The following CLIC6 variants were observed in gnomAD, a reference collection of about 807,000 sequenced individuals.
CLIC6 encodes the protein CLIC family member 6, also known as chloride intracellular channel protein 6.
CLIC6 carries 39 observed loss-of-function variants against 49.2 expected under a neutral mutation model. The ratio of observed to expected loss-of-function variants is 0.79; its 90% CI spans 0.61 to 1.04. The LOEUF (loss-of-function observed/expected upper bound fraction) is 1.04, where lower values mean the gene tolerates loss of function less well. Ranked by LOEUF, CLIC6 falls within the 50% of genes least tolerant of loss-of-function variation. The probability of loss-of-function intolerance (pLI) is 0.00; values close to 1 mark genes in which losing one functional copy is unlikely to be tolerated. For missense variants in CLIC6, 988 were observed against 993.1 expected, an observed-to-expected ratio of 0.99 and a Z score of 0.07; for synonymous variants, 446 against 433.4, an observed-to-expected ratio of 1.03 and a Z score of -0.36.
intron 5 of CLIC6, 33 bp downstream of exon 5, chr21:34,709,571 A>G (rs1209978083): frequency 6.3e-7 from 1 of 1,587,388 alleles, no homozygotes; most frequent in East Asian, 2.2e-5. Context: ...TGTGCCGAGT[A>G]CACGAACGGG....
chr21:34,675,691 A>G (rs932482715), intron 1 of CLIC6, among the ~76,000 whole-genome samples: 10 of 151,534 alleles, frequency 6.6e-5, no homozygotes, highest in African/African-American at 2.4e-4. Flanking sequence ...GGGTGGGGAT[A>G]CCCCTGCCAC....
intron 2 of CLIC6, 44 bp downstream of exon 2, chr21:34,707,433 CT>C: frequency 1.4e-6 from 1 of 739,322 alleles, no homozygotes; most frequent in Non-Finnish European, 2.1e-6. Flanking sequence ...GTACCTAGTT[CT>C]CTGCACACAC....
Position 34,708,823 on chromosome 21 carries a change from C to T in CLIC6, c.1717+17C>T, listed in dbSNP as rs1446407616. 6.4e-7 allele frequency: 1 copy of T among 1,564,176 alleles called. No individual in the cohort carries two copies. Among genetic ancestry groups the T allele is most frequent in the African/African-American group, 1.4e-5 (1 of 73,972 alleles). On this transcript the variant is annotated intron_variant, in intron 4 of 5. Coordinates refer to ENST00000349499, the MANE Select transcript of CLIC6 (RefSeq NM_053277.3). ...CAAATGAGAGTGAGTACCTCCCATC[C>T]TCCTGTTTTGTTTCAACACAGACTT...
At position 34,673,365 on chromosome 21, in the gene CLIC6, CTG is replaced by C. The variant is rs1989603724; in HGVS notation, c.1374+2604_1374+2605del. ...AGTGCAGTGGTGCTATCTCAGCTCA[CTG>C]CAACCTCCACAGACTGGGTTCAAGT... On this transcript the variant is annotated intron_variant, in intron 1 of 5. Transcript: ENST00000349499. Among the ~76,000 whole-genome samples the C allele has an allele frequency of 2.6e-5, 4 of 152,272 alleles. No individual in the cohort carries two copies. In the South Asian group the frequency reaches 8.3e-4, roughly 32 times the overall value.
At position 34,670,589 on chromosome 21, in the gene CLIC6, G is replaced by A. The variant is rs1432673845; in HGVS notation, c.1201G>A (p.Glu401Lys). The A allele has an allele frequency of 1.3e-6, 2 of 1,529,392 alleles. No homozygotes were observed. The highest frequency in any genetic ancestry group is 2.1e-5 in the Admixed American group (1 of 47,586). 94.7% of individuals were successfully genotyped at this position (1,529,392 alleles called of 1,614,324 possible). ...EESPDSSPHG[E>K]ASRGAAEPEA... The stretch of plus-strand genomic sequence containing the variant: ...ATCCCCCGACAGCAGCCCACATGGG[G>A]AGGCCTCCAGGGGCGCCGCGGAGCC... The change falls in exon 1 of 6, where the codon GAG (glutamate) becomes AAG (lysine). Residue 401 changes from glutamate (E) to lysine (K), a missense_variant. By Grantham distance (56) the Glu-to-Lys change is moderately conservative. This residue lies in a region of CLIC6 where 647 missense variants were observed against 596.9 expected (regional missense o/e 1.08). Transcript: ENST00000349499.
chr21:34,673,932 C>T (rs1989615918), intron 1 of CLIC6, among the ~76,000 whole-genome samples: 3 of 152,082 alleles, frequency 2.0e-5, no homozygotes, highest in Non-Finnish European at 2.9e-5. Context: ...TGTGAACATG[C>T]CTAGATGCGT....
At chr21:34,681,349 A>C (rs760746564) in intron 1 of CLIC6, among the ~76,000 whole-genome samples, 1 of 152,212 alleles carries the variant, frequency 6.6e-6, no homozygotes, top group Admixed American at 6.5e-5. Context: ...CCCTTTACAC[A>C]TGGTGATTAT....
rs924639697 is a variant in CLIC6 at position 34,670,552 on chromosome 21, G to A, written c.1164G>A (p.Gly388=). ...GGCCAAGGGAGGAGGAAGCAGCGGG[G>A]GGCGAAGAGGAATCCCCCGACAGCA... The part of the protein sequence containing the change: ...PEGPREEEAA[G]GEEESPDSSP... Residue 388 remains glycine, a synonymous_variant, in exon 1 of 6, where the codon GGG becomes GGA. Coordinates refer to ENST00000349499, the MANE Select transcript of CLIC6 (RefSeq NM_053277.3). The A allele has an allele frequency of 3.3e-6, 5 of 1,499,810 alleles. No individual in the cohort carries two copies. The African/African-American group carries it at 4.2e-5, about 13-fold the overall frequency. The allele number at this position is 1,499,810 out of a possible 1,614,324, so 92.9% of individuals were successfully genotyped here.
chr21:34,678,930 T>G (rs966966294), intron 1 of CLIC6, among the ~76,000 whole-genome samples: 1 of 152,238 alleles, frequency 6.6e-6, no homozygotes, highest in Non-Finnish European at 1.5e-5. Flanking sequence ...CCAGAGATAT[T>G]CTATGCAAGT....
rs1422311258 is a variant in CLIC6 at position 34,669,913 on chromosome 21, G to T, written c.525G>T (p.Pro175=). The T allele has an allele frequency of 1.5e-6, 2 of 1,319,910 alleles. No homozygotes were observed. Among genetic ancestry groups the T allele is most frequent in the Admixed American group, 3.6e-5 (1 of 27,936 alleles). 81.8% of individuals were successfully genotyped at this position (1,319,910 alleles called of 1,614,324 possible). A position where few individuals can be genotyped will look rare whatever the true frequency, so the allele number is the denominator to read the frequency against. Residue 175 remains proline, a synonymous_variant, in exon 1 of 6, where the codon CCG becomes CCT. Coordinates refer to ENST00000349499, the MANE Select transcript of CLIC6 (RefSeq NM_053277.3). Reference sequence around the variant, plus strand: ...GGGACAACATAGAAGCGGAGGGCCCGGCGGGCGACAGCGTAGAGGCGGAGG... The same window carrying T: ...GGGACAACATAGAAGCGGAGGGCCCTGCGGGCGACAGCGTAGAGGCGGAGG... The part of the protein sequence containing the change: ...PLGDNIEAEG[P]AGDSVEAEGR...
intron 1 of CLIC6, among the ~76,000 whole-genome samples, chr21:34,677,744 C>T (rs1989699565): frequency 6.6e-6 from 1 of 152,124 alleles, no homozygotes; most frequent in African/African-American, 2.4e-5. Context: ...TTTTCTGTGT[C>T]TAATGGCTAG....
chr21:34,695,644 T>C (rs564519210), intron 1 of CLIC6, among the ~76,000 whole-genome samples: 6 of 152,336 alleles, frequency 3.9e-5, no homozygotes, highest in East Asian at 1.9e-4. Flanking sequence ...CTATTGACCC[T>C]AACCAGTGTC....
intron 1 of CLIC6, among the ~76,000 whole-genome samples, chr21:34,678,967 A>G (rs944802777): frequency 6.6e-6 from 1 of 152,224 alleles, no homozygotes; most frequent in African/African-American, 2.4e-5. Flanking sequence ...TGTATTATCT[A>G]TTTCTGTGTA....
At chr21:34,680,804 A>G (rs1203826076) in intron 1 of CLIC6, among the ~76,000 whole-genome samples, 1 of 152,206 alleles carries the variant, frequency 6.6e-6, no homozygotes, top group Non-Finnish European at 1.5e-5. Flanking sequence ...CTATATCACT[A>G]CCAGCATTTT....
intron 1 of CLIC6, among the ~76,000 whole-genome samples, chr21:34,671,390 G>A (rs983914811): frequency 2.6e-5 from 4 of 152,108 alleles, no homozygotes; most frequent in African/African-American, 9.7e-5. Context: ...TTTTTTGAAC[G>A]TTTTAACATT....
Position 34,709,427 on chromosome 21 carries a change from A to AAT in CLIC6, c.1790_1791dup (p.Asp598Ter). ...ACTTAAATAGCCCTCTGCCTGATGA[A>AAT]ATAGATGCCTACAGCACCGAGGATG... On this transcript the variant is annotated frameshift_variant, in exon 5 of 6. Coordinates refer to ENST00000349499, the MANE Select transcript of CLIC6 (RefSeq NM_053277.3). LOFTEE classifies it high-confidence loss of function. 6.2e-7 allele frequency: 1 copy of AAT among 1,614,072 alleles called. No individual in the cohort carries two copies. Among genetic ancestry groups the AAT allele is most frequent in the Non-Finnish European group, 8.5e-7 (1 of 1,179,912 alleles).
Position 34,675,350 on chromosome 21 carries a change from G to A in CLIC6, c.1374+4588G>A, listed in dbSNP as rs376862672. ...GCGTCTGATGGACTCCTGGTAGAAC[G>A]GTAAGCTGTGGCTCTCTGTGGACAT... On this transcript the variant is annotated intron_variant, in intron 1 of 5. Coordinates refer to ENST00000349499, the MANE Select transcript of CLIC6 (RefSeq NM_053277.3). Among the ~76,000 whole-genome samples, 39 of 151,968 alleles carry A rather than the reference G, an allele frequency of 2.6e-4. No homozygotes were observed. In the South Asian group the frequency reaches 7.9e-3, roughly 31 times the overall value.
At chr21:34,678,391 G>A (rs946230172) in intron 1 of CLIC6, among the ~76,000 whole-genome samples, 10 of 151,422 alleles carry the variant, frequency 6.6e-5, no homozygotes, top group Non-Finnish European at 1.3e-4. Context: ...GCAGTGAGCC[G>A]AGATTGCACT....
intron 3 of CLIC6, among the ~76,000 whole-genome samples, chr21:34,708,419 T>G (rs542165979): frequency 6.6e-6 from 1 of 152,082 alleles, no homozygotes; most frequent in Non-Finnish European, 1.5e-5. Flanking sequence ...TCCATCCCCT[T>G]CGTTTTACTA....
Sources: allele counts gnomAD v4.1 joint callset (sites outside exome capture counted in the v4.1 genomes callset), GRCh38; gene constraint gnomAD v4.1.1; regional missense constraint gnomAD v4.1.1; transcripts MANE v1.5; gene names NCBI Gene and HGNC (gene_info 2026-07-23, HGNC 2026-07-21).